NSL1: variants seen among roughly 807,000 people sequenced by gnomAD.
The protein encoded by NSL1 is NSL1 component of MIS12 kinetochore complex.
In NSL1, 11 loss-of-function variants were observed where a neutral mutation model predicts 25.4. That is an observed-to-expected ratio of 0.43 (90% CI 0.27 to 0.72). The LOEUF (loss-of-function observed/expected upper bound fraction) is 0.72, where lower values mean the gene tolerates loss of function less well. NSL1 is among the 30% of genes least tolerant of loss of function. The pLI is 0.19. For missense variants in NSL1, 330 were observed against 342.7 expected, an observed-to-expected ratio of 0.96 and a Z score of 0.29; for synonymous variants, 118 against 120.6, an observed-to-expected ratio of 0.98 and a Z score of 0.14.
chr1:212,785,426 G>A (rs773774173), intron 2 of NSL1, among the ~76,000 whole-genome samples: 1 of 151,696 alleles, frequency 6.6e-6, no homozygotes, highest in Non-Finnish European at 1.5e-5. Context: ...GTGCCATGTC[G>A]GTGTGCTGCA....
In NSL1 at chr1:212,736,790, C is replaced by T. The variant is rs1356807509; in HGVS notation, c.*1618G>A. 4 of 985,014 alleles carry T rather than the reference C, an allele frequency of 4.1e-6. No individual in the cohort carries two copies. The highest frequency in any genetic ancestry group is 3.6e-6 in the Non-Finnish European group (3 of 829,676). The allele number at this position is 985,014 out of a possible 1,614,324, so 61.0% of individuals were successfully genotyped here. ...AGGATTTTTGTCACATTTCCTTAAT[C>T]GATTCCTTGTTTCTCTGCTGAATAC... On this transcript the variant is annotated 3_prime_UTR_variant, in exon 6 of 6. Coordinates refer to ENST00000366977, the MANE Select transcript of NSL1 (RefSeq NM_015471.4).
intron 1 of NSL1, among the ~76,000 whole-genome samples, chr1:212,790,661 G>A (rs76826803): frequency 0.025 from 3,744 of 152,162 alleles, 134 homozygotes; most frequent in African/African-American, 0.083. Context: ...GGTGGCTCAC[G>A]CCTGTAATAC....
intron 4 of NSL1, among the ~76,000 whole-genome samples, chr1:212,778,451 C>T (rs1056509355): frequency 8.6e-5 from 13 of 151,968 alleles, no homozygotes; most frequent in African/African-American, 2.7e-4. Flanking sequence ...GATGCCGAGC[C>T]GAAGCTGGAC....
intron 3 of NSL1, 141 bp downstream of exon 3, chr1:212,784,222 C>T (rs986291406): frequency 1.9e-6 from 1 of 530,522 alleles, no homozygotes; most frequent in African/African-American, 1.9e-5. Flanking sequence ...AGAGTAAAGT[C>T]TTACAAGAGA....
At position 212,791,634 on chromosome 1, in the gene NSL1, G is replaced by A. The variant is rs766403629; in HGVS notation, c.130C>T (p.Arg44Trp). ...AGTTGTAGCATTTCGGTCACAGCCC[G>A]CTTCGAGGTGCAGCGCACCCGAAAG... ...EDFRVRCTSK[R>W]AVTEMLQLCG... The change falls in exon 1 of 6, where the codon CGG becomes TGG. Residue 44 changes from arginine (R) to tryptophan (W), a missense_variant. Coordinates refer to ENST00000366977, the MANE Select transcript of NSL1 (RefSeq NM_015471.4). 5 of 1,613,918 alleles carry A rather than the reference G, an allele frequency of 3.1e-6. No individual in the cohort carries two copies. The highest frequency in any genetic ancestry group is 4.5e-5 in the East Asian group (2 of 44,880).
chr1:212,780,336 A>C (rs1039940640), intron 4 of NSL1, among the ~76,000 whole-genome samples: 1 of 151,804 alleles, frequency 6.6e-6, no homozygotes, highest in Non-Finnish European at 1.5e-5. Flanking sequence ...ACCACTCCCT[A>C]ATCTCAAGTA....
At position 212,727,187 on chromosome 1, in the gene NSL1, G is replaced by A. The variant is rs760022755; in HGVS notation, c.*11221C>T. On this transcript the variant is annotated 3_prime_UTR_variant, in exon 6 of 6. Coordinates refer to ENST00000366977, the MANE Select transcript of NSL1 (RefSeq NM_015471.4). ...GTCCACCAGGCTTGGCTCCTAATGT[G>A]TTAAATGGGGGTGAATGGAATTTAG... The A allele has an allele frequency of 1.9e-6, 3 of 1,549,142 alleles. No homozygotes were observed. The Admixed American group carries it at 5.8e-5, about 30-fold the overall frequency.
intron 4 of NSL1, among the ~76,000 whole-genome samples, chr1:212,774,553 G>GAAC (rs74613305): frequency 6.6e-6 from 1 of 152,064 alleles, no homozygotes; most frequent in Non-Finnish European, 1.5e-5. Context: ...CTCCAAAGAA[G>GAAC]ATATACAGAT....
rs764288436 is a variant in NSL1, at chr1:212,727,126, C to T, written c.*11282G>A. On this transcript the variant is annotated 3_prime_UTR_variant, in exon 6 of 6. Coordinates refer to ENST00000366977, the MANE Select transcript of NSL1 (RefSeq NM_015471.4). ...CAGAGGCAGAAGGGATGAAGGTTCC[C>T]CGATCCCCTTCTCTCCTAAACTGCC... The T allele has an allele frequency of 1.3e-6, 2 of 1,569,954 alleles. No individual in the cohort carries two copies. Among genetic ancestry groups the T allele is most frequent in the Admixed American group, 1.8e-5 (1 of 54,370 alleles).
rs1657903971 is a variant in NSL1, at chr1:212,729,102, C to T, written c.*9306G>A. The T allele has an allele frequency of 1.0e-6, 1 of 985,280 alleles. No individual in the cohort carries two copies. The highest frequency in any genetic ancestry group is 1.2e-6 in the Non-Finnish European group (1 of 829,938). 61.0% of individuals were successfully genotyped at this position (985,280 alleles called of 1,614,324 possible). A position where few individuals can be genotyped will look rare whatever the true frequency, so the allele number is the denominator to read the frequency against. On this transcript the variant is annotated 3_prime_UTR_variant, in exon 6 of 6. Coordinates refer to ENST00000366977, the MANE Select transcript of NSL1 (RefSeq NM_015471.4). ...GCAGTAAGTGTTAAAACTTGCCAGT[C>T]AATTACAGGAATATATTAGTGTTCC...
intron 4 of NSL1, among the ~76,000 whole-genome samples, chr1:212,769,888 T>A (rs1253799142): frequency 6.6e-6 from 1 of 152,162 alleles, no homozygotes; most frequent in Non-Finnish European, 1.5e-5. Flanking sequence ...ATTATCCACT[T>A]AAAAGACAAA....
At chr1:212,752,249 A>G (rs1405751507) in intron 4 of NSL1, among the ~76,000 whole-genome samples, 2 of 152,206 alleles carry the variant, frequency 1.3e-5, no homozygotes, top group Non-Finnish European at 2.9e-5. Context: ...AAACATATTT[A>G]TTTATTTATT....
chr1:212,790,031 T>G (rs1425808963), intron 1 of NSL1, among the ~76,000 whole-genome samples: 1 of 152,096 alleles, frequency 6.6e-6, no homozygotes, highest in Non-Finnish European at 1.5e-5. Context: ...CTTTTTTTTT[T>G]GAGATGGAGT....
chr1:212,736,294 G>A lies in NSL1; in HGVS notation c.*2114C>T. ...CCACTTCAGCCTCCCAAAGTGCTGG[G>A]ATTACAGGCATGAGCCCACCGCGCC... On this transcript the variant is annotated 3_prime_UTR_variant, in exon 6 of 6. Transcript: ENST00000366977. 1 of 954,660 alleles carries A rather than the reference G, an allele frequency of 1.0e-6. No homozygotes were observed. The highest frequency in any genetic ancestry group is 4.8e-5 in the South Asian group (1 of 20,718). The allele number at this position is 954,660 out of a possible 1,614,324, so 59.1% of individuals were successfully genotyped here. A position where few individuals can be genotyped will look rare whatever the true frequency, so the allele number is the denominator to read the frequency against.
In NSL1 at chr1:212,734,114, G is replaced by A. The variant is rs1434944782; in HGVS notation, c.*4294C>T. Among the ~76,000 whole-genome samples the A allele has an allele frequency of 4.6e-5, 7 of 152,000 alleles. No individual in the cohort carries two copies. In the East Asian group the frequency reaches 1.4e-3, roughly 29 times the overall value. ...ACTGAACATTATTTAATAGCATTCC[G>A]ATTTTCCAAAAAATGTATGATTTTC... On this transcript the variant is annotated 3_prime_UTR_variant, in exon 6 of 6. Transcript: ENST00000366977.
At chr1:212,747,280 G>T (rs1658843919) in intron 4 of NSL1, among the ~76,000 whole-genome samples, 1 of 152,182 alleles carries the variant, frequency 6.6e-6, no homozygotes. Context: ...CCAAGATTAG[G>T]TTATAAAAAA....
At chr1:212,779,054 A>ACC (rs530933950) in intron 4 of NSL1, among the ~76,000 whole-genome samples, 2 of 135,270 alleles carry the variant, frequency 1.5e-5, no homozygotes, top group African/African-American at 5.7e-5. Flanking sequence ...CCCGGCCACG[A>ACC]CCCCATCTAG....
rs1661290781 is a variant in NSL1, at chr1:212,791,696, T to C, written c.68A>G (p.Glu23Gly). 1 of 1,613,812 alleles carries C rather than the reference T, an allele frequency of 6.2e-7. No individual in the cohort carries two copies. The highest frequency in any genetic ancestry group is 1.1e-5 in the South Asian group (1 of 91,086). ...AGTGGCGGAGACCAAGGCCTGGCTCTCTGTGCCAGCCGCGAGCTCCTTGTC... is the reference window on the plus strand; with the variant it reads ...AGTGGCGGAGACCAAGGCCTGGCTCCCTGTGCCAGCCGCGAGCTCCTTGTC... ...PWDKELAAGTESQALVSATPR... is the reference protein window; with the variant it reads ...PWDKELAAGTGSQALVSATPR... The change falls in exon 1 of 6, where the codon GAG (glutamate) becomes GGG (glycine). Residue 23 changes from glutamate to glycine, a missense_variant. Transcript: ENST00000366977.
chr1:212,743,679 C>A (rs1344896163), intron 4 of NSL1, among the ~76,000 whole-genome samples: 2 of 152,090 alleles, frequency 1.3e-5, no homozygotes, highest in Non-Finnish European at 2.9e-5. Flanking sequence ...CATCCCTCCA[C>A]AGAAAAAAGC....
Sources: allele counts gnomAD v4.1 joint callset (sites outside exome capture counted in the v4.1 genomes callset), GRCh38; gene constraint gnomAD v4.1.1; transcripts MANE v1.5; gene names NCBI Gene and HGNC (gene_info 2026-07-23, HGNC 2026-07-21).